Variants in HOXC5 observed in about 807,000 individuals in gnomAD.
The protein encoded by HOXC5 is homeobox C5.
Under a neutral mutation model 20.1 loss-of-function variants are expected in HOXC5, and 19 were observed. That is an observed-to-expected ratio of 0.94 (90% CI 0.66 to 1.38). The LOEUF (loss-of-function observed/expected upper bound fraction) is 1.38. HOXC5 is among the 40% of genes most tolerant of loss of function. The probability of loss-of-function intolerance (pLI) is 0.00; values close to 1 mark genes in which losing one functional copy is unlikely to be tolerated. For synonymous variants in HOXC5, 124 were observed against 117.0 expected (o/e 1.06, Z -0.39); for missense variants, 330 against 300.1 (o/e 1.10, Z -0.74).
At position 54,034,307 on chromosome 12, in the gene HOXC5, T is replaced by G; in HGVS notation, c.484T>G (p.Tyr162Asp). ...GGACGGCAAGCGGTCCCGAACCAGT[T>G]ACACGCGCTACCAGACTCTGGAACT... The part of the protein sequence containing the change: ...ETDGKRSRTS[Y>D]TRYQTLELEK... Residue 162 changes from tyrosine (Y) to aspartate (D), a missense_variant, in exon 2 of 2, where the codon TAC becomes GAC. Physicochemically the swap from Tyr to Asp is radical, Grantham distance 160. Transcript: ENST00000312492. The G allele has an allele frequency of 6.2e-7, 1 of 1,614,086 alleles. No homozygotes were observed. The highest frequency in any genetic ancestry group is 8.5e-7 in the Non-Finnish European group (1 of 1,180,016).
chr12:54,033,131 C>A lies in HOXC5; in HGVS notation c.9C>A (p.Ser3=), dbSNP rs772544143. The part of the protein sequence containing the change: MS[S]YVANSFYKQS... ...TTTGGGCCCTCCCCGCCATGAGCTCCTACGTAGCCAATTCATTCTATAAGC... is the reference window on the plus strand; with the variant it reads ...TTTGGGCCCTCCCCGCCATGAGCTCATACGTAGCCAATTCATTCTATAAGC... The change falls in exon 1 of 2, where the codon TCC becomes TCA. Residue 3 remains serine (S), a synonymous_variant. Transcript: ENST00000312492. 1 of 1,605,056 alleles carries A rather than the reference C, an allele frequency of 6.2e-7. No homozygotes were observed. Among genetic ancestry groups the A allele is most frequent in the South Asian group, 1.1e-5 (1 of 90,958 alleles).
intron 1 of HOXC5, 173 bp from the exon 2 acceptor site, chr12:54,034,105 G>A: frequency 2.7e-6 from 2 of 728,678 alleles, no homozygotes; most frequent in Non-Finnish European, 5.1e-6. Context: ...CTGGGCGGAG[G>A]CGCCTCTCCC....
chr12:54,027,786 C>T, the HOXC5 span, among the ~76,000 whole-genome samples: 1 of 152,186 alleles, frequency 6.6e-6, no homozygotes, highest in African/African-American at 2.4e-5. Flanking sequence ...CCACTGTACC[C>T]TGAAGTCTTG....
At chr12:54,034,137 G>T (rs1325240063) in intron 1 of HOXC5, 141 bp from the exon 2 acceptor site, 5 of 833,802 alleles carry the variant, frequency 6.0e-6, no homozygotes, top group South Asian at 4.2e-5. Flanking sequence ...GGGCTGGCCC[G>T]CCTGCGGCCC....
At chr12:54,020,301 C>G in the HOXC5 span, 1 of 152,278 alleles carries the variant, frequency 6.6e-6, no homozygotes, top group Admixed American at 6.5e-5. Context: ...TGGAGCCTCC[C>G]CCTCTGAGCC....
the HOXC5 span, chr12:54,017,075 A>C: frequency 2.7e-4 from 41 of 151,494 alleles, no homozygotes; most frequent in African/African-American, 9.7e-4. Context: ...ATGGGAGGGG[A>C]GAGACAGAAG....
At chr12:54,027,182 CT>C in the HOXC5 span, among the ~76,000 whole-genome samples, 1 of 152,204 alleles carries the variant, frequency 6.6e-6, no homozygotes, top group Non-Finnish European at 1.5e-5. Context: ...CGTCTCTTCC[CT>C]TTTTTTAGCC....
chr12:54,017,507 G>A, the HOXC5 span: 45 of 152,146 alleles, frequency 3.0e-4, no homozygotes, highest in African/African-American at 1.0e-3. Context: ...TTAGGGAGAA[G>A]AGGGGGCTGG....
At chr12:54,029,412 C>CA (rs1491568485), upstream of HOXC5, among the ~76,000 whole-genome samples, 1 of 46,100 alleles carries the variant, frequency 2.2e-5, no homozygotes, top group East Asian at 1.6e-3. Context: ...CGCCCCCCCG[C>CA]CCCCCCCCCC....
At chr12:54,026,260 C>A in the HOXC5 span, among the ~76,000 whole-genome samples, 1 of 152,090 alleles carries the variant, frequency 6.6e-6, no homozygotes, top group Admixed American at 6.5e-5. Flanking sequence ...CTAGCTCAGT[C>A]CCCAGAGTAC....
the HOXC5 span, among the ~76,000 whole-genome samples, chr12:54,018,164 G>A: frequency 6.6e-6 from 1 of 152,200 alleles, no homozygotes; most frequent in Non-Finnish European, 1.5e-5. Context: ...GTTGTAGGGT[G>A]GGGGTGGGGG....
chr12:54,017,577 G>A, the HOXC5 span, among the ~76,000 whole-genome samples: 2 of 151,918 alleles, frequency 1.3e-5, no homozygotes, highest in Non-Finnish European at 2.9e-5. Flanking sequence ...AGAGAAACGG[G>A]GTTAAACTGG....
chr12:54,018,714 G>A, the HOXC5 span, among the ~76,000 whole-genome samples: 2 of 151,946 alleles, frequency 1.3e-5, no homozygotes, highest in Admixed American at 6.6e-5. Context: ...TATAAACGGC[G>A]ACGCACACGC....
the HOXC5 span, among the ~76,000 whole-genome samples, chr12:54,018,376 G>A: frequency 1.3e-5 from 2 of 152,232 alleles, no homozygotes; most frequent in African/African-American, 4.8e-5. Flanking sequence ...GAAGGCCCTA[G>A]GCTGGGCGGG....
At chr12:54,028,246 C>CATATAT (rs147627891), upstream of HOXC5, 570 of 149,416 alleles carry the variant, frequency 3.8e-3, 15 homozygotes, top group East Asian at 0.039. Flanking sequence ...AGTTCCCTTA[C>CATATAT]ATATATATAT....
At chr12:54,018,174 G>A in the HOXC5 span, among the ~76,000 whole-genome samples, 2 of 152,204 alleles carry the variant, frequency 1.3e-5, no homozygotes, top group Admixed American at 1.3e-4. Context: ...GGGGGTGGGG[G>A]ATGCTGTACT....
upstream of HOXC5, chr12:54,030,123 C>A (rs746975549): frequency 3.0e-6 from 2 of 656,476 alleles, no homozygotes; most frequent in Non-Finnish European, 5.1e-6. Flanking sequence ...CAGCTCTGGA[C>A]CCCCTCCCTC....
upstream of HOXC5, chr12:54,029,521 G>C (rs1041274442): frequency 1.2e-6 from 1 of 867,574 alleles, no homozygotes. Context: ...CAAGGCAAAA[G>C]GGAGAAGGCT....
upstream of HOXC5, chr12:54,028,344 G>T: frequency 1.7e-6 from 1 of 603,048 alleles, no homozygotes; most frequent in African/African-American, 1.9e-5. Flanking sequence ...AAGCAGAAGC[G>T]ATTTTTTTCC....
Sources: gnomAD v4.1 joint callset for allele counts (sites outside exome capture counted in the v4.1 genomes callset) on GRCh38, gnomAD v4.1.1 for gene constraint, MANE v1.5 for transcripts, NCBI Gene and HGNC (gene_info 2026-07-23, HGNC 2026-07-21) for gene names.